The following SNRNP70 variants were observed in gnomAD, a reference collection of about 807,000 sequenced individuals.
SNRNP70 encodes the protein U1 small nuclear ribonucleoprotein 70 kDa.
In SNRNP70, 8 loss-of-function variants were observed where a neutral mutation model predicts 50.5. The ratio of observed to expected loss-of-function variants is 0.16; its 90% CI spans 0.09 to 0.29. The LOEUF (loss-of-function observed/expected upper bound fraction) is 0.29. Among genes scored for constraint, SNRNP70 ranks in the 10% least tolerant of loss-of-function variants. The pLI, the probability that SNRNP70 is intolerant of heterozygous loss-of-function variation, is 1.00. For synonymous variants in SNRNP70, 320 were observed against 252.9 expected, an observed-to-expected ratio of 1.27 and a Z score of -2.52; for missense variants, 529 against 663.5, an observed-to-expected ratio of 0.80 and a Z score of 2.23.
At position 49,104,594 on chromosome 19, in the gene SNRNP70, G is replaced by T; in HGVS notation, c.476-40G>T. ...GCCTGTCCTGACTAGAGGACCCTCT[G>T]GGGACTCCTCTCCCCTCCCCCTCCC... On this transcript the variant is annotated intron_variant, in intron 7 of 9. Transcript: ENST00000598441. This position sits in a 1 kb window ranked among gnomAD's most constrained non-coding sequence, Gnocchi z 5.4. 6.8e-7 allele frequency: 1 copy of T among 1,466,018 alleles called. No individual in the cohort carries two copies. Among genetic ancestry groups the T allele is most frequent in the Admixed American group, 2.0e-5 (1 of 50,880 alleles). The allele number at this position is 1,466,018 out of a possible 1,614,324, so 90.8% of individuals were successfully genotyped here.
Position 49,096,303 on chromosome 19 carries a change from C to T in SNRNP70, c.266-2124C>T, listed in dbSNP as rs375767325. Among the ~76,000 whole-genome samples the T allele has an allele frequency of 5.9e-5, 9 of 151,612 alleles. No individual in the cohort carries two copies. The East Asian group carries it at 9.8e-4, about 17-fold the overall frequency. ...AACACCTGACCTCAGGTGATCCGTC[C>T]GCCTTAGCCTCCCAAATTGCTGGGA... is the stretch of plus-strand genomic sequence containing the variant. On this transcript the variant is annotated intron_variant, in intron 4 of 9. Transcript: ENST00000598441.
intron 6 of SNRNP70, among the ~76,000 whole-genome samples, chr19:49,099,823 C>T (rs1278149792): frequency 2.6e-5 from 4 of 152,106 alleles, no homozygotes; most frequent in East Asian, 3.9e-4. Context: ...AGGCAGATCA[C>T]CTGAGGTCAG....
At chr19:49,100,084 C>A (rs1326116611) in intron 6 of SNRNP70, among the ~76,000 whole-genome samples, 1 of 152,186 alleles carries the variant, frequency 6.6e-6, no homozygotes, top group Non-Finnish European at 1.5e-5. Context: ...CAGGTTCATC[C>A]ATGATACAGG....
Position 49,086,483 on chromosome 19 carries a change from A to G in SNRNP70, c.69A>G (p.Pro23=), listed in dbSNP as rs1264101583. 1.2e-6 allele frequency: 2 copies of G among 1,613,742 alleles called. No individual in the cohort carries two copies. The highest frequency in any genetic ancestry group is 3.3e-5 in the Admixed American group (2 of 59,944). Residue 23 remains proline (P), a synonymous_variant, in exon 2 of 10, where the codon CCA becomes CCG. Coordinates refer to ENST00000598441, the MANE Select transcript of SNRNP70 (RefSeq NM_003089.6). ...CCCGTGACCCTATTCCATACCTGCCACCCCTGGAGAAACTGCCACATGAAA... is the reference window on the plus strand; with the variant it reads ...CCCGTGACCCTATTCCATACCTGCCGCCCCTGGAGAAACTGCCACATGAAA... ...FAPRDPIPYL[P]PLEKLPHEKH...
At chr19:49,102,732 G>T (rs1245750370) in intron 7 of SNRNP70, 3 of 153,878 alleles carry the variant, frequency 1.9e-5, no homozygotes, top group African/African-American at 7.2e-5. Flanking sequence ...CATGGAATTG[G>T]GGCTTGGGGT....
chr19:49,091,000 A>C (rs2040440633), intron 4 of SNRNP70, among the ~76,000 whole-genome samples: 1 of 152,158 alleles, frequency 6.6e-6, no homozygotes, highest in Non-Finnish European at 1.5e-5. Flanking sequence ...TCTGAAAGTG[A>C]AAACTGTACA....
At chr19:49,105,303 C>A (rs2040651946) in intron 8 of SNRNP70, among the ~76,000 whole-genome samples, 1 of 152,086 alleles carries the variant, frequency 6.6e-6, no homozygotes, top group Non-Finnish European at 1.5e-5. Context: ...AGTTTGGCTG[C>A]AAGTATCAGA....
chr19:49,101,887 G>C (rs1241178792), intron 7 of SNRNP70, among the ~76,000 whole-genome samples: 1 of 151,726 alleles, frequency 6.6e-6, no homozygotes, highest in Non-Finnish European at 1.5e-5. Flanking sequence ...CAGTAGAACT[G>C]GGGCTGGGCC....
chr19:49,095,256 T>C (rs925178756), intron 4 of SNRNP70, among the ~76,000 whole-genome samples: 1 of 152,244 alleles, frequency 6.6e-6, no homozygotes, highest in Non-Finnish European at 1.5e-5. Flanking sequence ...GCTCAGCTGT[T>C]GTTTGGCCTT....
At chr19:49,092,020 T>C (rs993666371) in intron 4 of SNRNP70, among the ~76,000 whole-genome samples, 9 of 152,194 alleles carry the variant, frequency 5.9e-5, no homozygotes, top group African/African-American at 2.2e-4. Context: ...GACCCTTCTT[T>C]TCATGTCCAT....
At chr19:49,095,675 C>T (rs961040456) in intron 4 of SNRNP70, among the ~76,000 whole-genome samples, 8 of 151,802 alleles carry the variant, frequency 5.3e-5, no homozygotes, top group Non-Finnish European at 1.2e-4. Context: ...GTAGCTGGAC[C>T]ACACCCAGCT....
In SNRNP70 at chr19:49,101,477, T is replaced by C; in HGVS notation, c.475+6T>C. ...ACACGAGCGAGACATGCACTGTGAG[T>C]ACCTCCCGCCGAGCCCTGCCCTCTG... is the stretch of plus-strand genomic sequence containing the variant. On this transcript the variant is annotated splice_donor_region_variant and intron_variant, in intron 7 of 9. Coordinates refer to ENST00000598441, the MANE Select transcript of SNRNP70 (RefSeq NM_003089.6). The C allele has an allele frequency of 6.2e-7, 1 of 1,609,330 alleles. No individual in the cohort carries two copies. The highest frequency in any genetic ancestry group is 8.5e-7 in the Non-Finnish European group (1 of 1,175,842).
rs565222602 is a variant in SNRNP70, at chr19:49,085,485, G to C, written c.-162G>C. On this transcript the variant is annotated 5_prime_UTR_variant, in exon 1 of 10. Coordinates refer to ENST00000598441, the MANE Select transcript of SNRNP70 (RefSeq NM_003089.6). ...CGGAGGCCGCGCGGGTGGCTGAGCA[G>C]CGGCCTGGTGCGCTCGCTTAGCGGG... The C allele has an allele frequency of 4.5e-6, 2 of 445,574 alleles. No homozygotes were observed. The highest frequency in any genetic ancestry group is 9.1e-6 in the Non-Finnish European group (2 of 219,796). The allele number at this position is 445,574 out of a possible 1,614,324, so 27.6% of individuals were successfully genotyped here.
Position 49,104,224 on chromosome 19 carries a change from A to T in SNRNP70, c.476-410A>T. ...GCCTCCTGCCCCGGCTTGGTGTCTC[A>T]GGGTGCATGCTTGGGGTTGTGGAGG... On this transcript the variant is annotated intron_variant, in intron 7 of 9. Transcript: ENST00000598441. This position sits in a 1 kb window ranked among gnomAD's most constrained non-coding sequence, Gnocchi z 5.4. The T allele has an allele frequency of 1.2e-5, 2 of 165,050 alleles. No homozygotes were observed. Among genetic ancestry groups the T allele is most frequent in the Non-Finnish European group, 1.3e-5 (1 of 76,538 alleles). 10.2% of individuals were successfully genotyped at this position (165,050 alleles called of 1,614,324 possible).
rs780047878 is a variant in SNRNP70, at chr19:49,086,444, G to C, written c.30G>C (p.Leu10=). The change falls in exon 2 of 10, where the codon CTG becomes CTC. Residue 10 remains leucine (L), a synonymous_variant. Transcript: ENST00000598441. ...CCCAGTTCCTGCCGCCCAACCTTCT[G>C]GCCCTCTTTGCCCCCCGTGACCCTA... The part of the protein sequence containing the change: MTQFLPPNL[L]ALFAPRDPIP... The C allele has an allele frequency of 6.2e-7, 1 of 1,613,824 alleles. No homozygotes were observed. The highest frequency in any genetic ancestry group is 1.1e-5 in the South Asian group (1 of 91,034).
chr19:49,096,226 T>G (rs2040511664), intron 4 of SNRNP70, among the ~76,000 whole-genome samples: 1 of 151,720 alleles, frequency 6.6e-6, no homozygotes, highest in African/African-American at 2.4e-5. Flanking sequence ...CCCTGGTAAT[T>G]TTGTATTTTT....
At chr19:49,095,204 A>G (rs1478476580) in intron 4 of SNRNP70, among the ~76,000 whole-genome samples, 1 of 152,208 alleles carries the variant, frequency 6.6e-6, no homozygotes, top group African/African-American at 2.4e-5. Flanking sequence ...GGGAACTCAC[A>G]CAGTGTGCTG....
Position 49,104,377 on chromosome 19 carries a change from G to C in SNRNP70, c.476-257G>C. On this transcript the variant is annotated intron_variant, in intron 7 of 9. Transcript: ENST00000598441. This position sits in a 1 kb window ranked among gnomAD's most constrained non-coding sequence, Gnocchi z 5.4. Reference sequence around the variant, plus strand: ...GAGGAAGGGCCGGGGAGCCTAGGGGGTGGCGGGTGAGGGTGGACGTCTCCC... The same window carrying C: ...GAGGAAGGGCCGGGGAGCCTAGGGGCTGGCGGGTGAGGGTGGACGTCTCCC... The C allele has an allele frequency of 4.3e-6, 2 of 461,500 alleles. No individual in the cohort carries two copies. Among genetic ancestry groups the C allele is most frequent in the Non-Finnish European group, 3.9e-6 (1 of 255,612 alleles). The allele number at this position is 461,500 out of a possible 1,614,324, so 28.6% of individuals were successfully genotyped here.
intron 7 of SNRNP70, chr19:49,101,750 T>G: frequency 7.2e-6 from 3 of 419,540 alleles, no homozygotes; most frequent in Non-Finnish European, 8.7e-6. Context: ...GGTGGGGGGC[T>G]GGGGCCAGCT....
Sources: allele counts gnomAD v4.1 joint callset (sites outside exome capture counted in the v4.1 genomes callset), GRCh38; gene constraint gnomAD v4.1.1; non-coding constraint Gnocchi (gnomAD v3.1); transcripts MANE v1.5; gene names NCBI Gene and HGNC (gene_info 2026-07-23, HGNC 2026-07-21).